Variants in TSPAN9 observed in about 807,000 individuals in gnomAD.
TSPAN9 encodes tetraspanin 9.
In TSPAN9, 16 loss-of-function variants were observed where a neutral mutation model predicts 31.0. That is an observed-to-expected ratio of 0.52 (90% CI 0.35 to 0.78). The LOEUF (loss-of-function observed/expected upper bound fraction) is 0.78, where lower values mean the gene tolerates loss of function less well. TSPAN9 is among the 30% of genes least tolerant of loss of function. The pLI, the probability that TSPAN9 is intolerant of heterozygous loss-of-function variation, is 0.01. For synonymous variants in TSPAN9, 145 were observed against 121.6 expected, an observed-to-expected ratio of 1.19 and a Z score of -1.27; for missense variants, 272 against 312.5, an observed-to-expected ratio of 0.87 and a Z score of 0.98.
chr12:3,244,489 G>A (rs1393896466), intron 3 of TSPAN9, among the ~76,000 whole-genome samples: 1 of 152,234 alleles, frequency 6.6e-6, no homozygotes, highest in African/African-American at 2.4e-5. Context: ...GGCGTGAGGT[G>A]CGCAGATGGG....
chr12:3,167,259 A>T (rs1219166939), intron 2 of TSPAN9, among the ~76,000 whole-genome samples: 2 of 152,150 alleles, frequency 1.3e-5, no homozygotes, highest in African/African-American at 4.8e-5. Context: ...GTGACTGTTG[A>T]TTTCACTGAT....
At chr12:3,237,281 CTGGGCTTGCCTCCTGA>C (rs146676815) in intron 3 of TSPAN9, among the ~76,000 whole-genome samples, 5 of 151,776 alleles carry the variant, frequency 3.3e-5, no homozygotes, top group South Asian at 2.1e-4. Context: ...ACAGATATTC[CTGGGCTTGCCTCCTGA>C]TGGGCTTGCC....
chr12:3,254,815 C>T (rs749731659), intron 3 of TSPAN9, among the ~76,000 whole-genome samples: 2 of 152,180 alleles, frequency 1.3e-5, no homozygotes, highest in Non-Finnish European at 2.9e-5. Context: ...AAGTCAGTTT[C>T]CATTAATGAT....
chr12:3,265,035 G>A (rs1862515711), intron 3 of TSPAN9, among the ~76,000 whole-genome samples: 1 of 152,152 alleles, frequency 6.6e-6, no homozygotes, highest in Admixed American at 6.5e-5. Context: ...GGTCCAGCTG[G>A]CCCGGCTATT....
At chr12:3,096,995 G>A (rs1409903843) in intron 2 of TSPAN9, among the ~76,000 whole-genome samples, 1 of 152,176 alleles carries the variant, frequency 6.6e-6, no homozygotes, top group African/African-American at 2.4e-5. Context: ...CTTAAGTCAG[G>A]AGCTCCTTGT....
At chr12:3,163,760 G>GTA (rs1309600251) in intron 2 of TSPAN9, among the ~76,000 whole-genome samples, 5 of 152,154 alleles carry the variant, frequency 3.3e-5, no homozygotes, top group Non-Finnish European at 7.3e-5. Context: ...CACTACTAAG[G>GTA]TATTATGCTT....
At chr12:3,207,493 C>T (rs1031132625) in intron 3 of TSPAN9, among the ~76,000 whole-genome samples, 3 of 152,016 alleles carry the variant, frequency 2.0e-5, no homozygotes, top group Admixed American at 6.6e-5. Context: ...AAATGGCACA[C>T]GGTCAGGCGG....
chr12:3,201,286 C>T (rs377399678), intron 3 of TSPAN9, 30 bp downstream of exon 3: 451 of 1,599,780 alleles, frequency 2.8e-4, no homozygotes, highest in Non-Finnish European at 3.8e-4. Flanking sequence ...TCTCCCTTCG[C>T]CCTCTTCTCC....
intron 2 of TSPAN9, among the ~76,000 whole-genome samples, chr12:3,197,475 A>T (rs898641902): frequency 1.3e-5 from 2 of 152,146 alleles, no homozygotes; most frequent in Non-Finnish European, 2.9e-5. Context: ...AATACACACT[A>T]GGTTTTATTC....
chr12:3,101,222 G>A (rs1239016620), intron 2 of TSPAN9, among the ~76,000 whole-genome samples: 1 of 152,124 alleles, frequency 6.6e-6, no homozygotes, highest in Non-Finnish European at 1.5e-5. Flanking sequence ...GTGTAGGATT[G>A]AGGACTGAAC....
rs191246592 is a variant in TSPAN9, at chr12:3,144,705, G to C, written c.-17-56472G>C. On this transcript the variant is annotated intron_variant, in intron 2 of 8. Coordinates refer to ENST00000011898, the MANE Select transcript of TSPAN9 (RefSeq NM_006675.5). ...GGTTTCTAGTGGGGGTTGCAGGTGC[G>C]GGCAGCTTCTGTCAGGCTCCTGCCT... Among the ~76,000 whole-genome samples, 31 of 152,310 alleles carry C rather than the reference G, an allele frequency of 2.0e-4. 1 individual carries two copies. The South Asian group carries it at 6.0e-3, about 29-fold the overall frequency.
chr12:3,280,647 A>G lies in TSPAN9; in HGVS notation c.432+164A>G, dbSNP rs1862876972. Among the ~76,000 whole-genome samples, 1 of 152,202 alleles carries G rather than the reference A, an allele frequency of 6.6e-6. No individual in the cohort carries two copies. Among genetic ancestry groups the G allele is most frequent in the Non-Finnish European group, 1.5e-5 (1 of 68,040 alleles). The stretch of plus-strand genomic sequence containing the variant: ...GCATTTGCCTGAACTGCTGAGTCAG[A>G]TGTGATACAGCAAGGTACAGCCAGG... On this transcript the variant is annotated intron_variant, in intron 6 of 8. Coordinates refer to ENST00000011898, the MANE Select transcript of TSPAN9 (RefSeq NM_006675.5). The surrounding 1 kb of genome is among the most constrained non-coding windows in gnomAD (Gnocchi z 4.5).
Position 3,089,547 on chromosome 12 carries a change from G to A in TSPAN9, c.-18+5828G>A, listed in dbSNP as rs750401419. Among the ~76,000 whole-genome samples the A allele has an allele frequency of 1.5e-3, 235 of 151,898 alleles. 1 individual carries two copies. Among genetic ancestry groups the A allele is most frequent in the Non-Finnish European group, 2.9e-3 (195 of 67,948 alleles). ...CCTGACCTCGTGATCCGCCCTCCTT[G>A]GCCTCCCAAAGTGCTGGGATTACAG... On this transcript the variant is annotated intron_variant, in intron 2 of 8. Transcript: ENST00000011898.
intron 2 of TSPAN9, among the ~76,000 whole-genome samples, chr12:3,095,693 A>C (rs1239773436): frequency 6.7e-6 from 1 of 150,242 alleles, no homozygotes; most frequent in Non-Finnish European, 1.5e-5. Context: ...CTCACTTCCC[A>C]GATGGGGCGG....
chr12:3,260,464 G>T (rs905830933), intron 3 of TSPAN9, among the ~76,000 whole-genome samples: 4 of 152,186 alleles, frequency 2.6e-5, no homozygotes, highest in Admixed American at 2.0e-4. Flanking sequence ...TTTCCCCAGG[G>T]AACCAGCTGG....
At chr12:3,141,630 T>C (rs2098334894) in intron 2 of TSPAN9, among the ~76,000 whole-genome samples, 2 of 152,084 alleles carry the variant, frequency 1.3e-5, no homozygotes, top group Non-Finnish European at 2.9e-5. Context: ...TTGCCCTGAC[T>C]CCTCGGTGTG....
At chr12:3,148,823 C>A (rs893281619) in intron 2 of TSPAN9, among the ~76,000 whole-genome samples, 1 of 152,228 alleles carries the variant, frequency 6.6e-6, no homozygotes, top group Non-Finnish European at 1.5e-5. Context: ...CACCTCCCAG[C>A]CTCCCCACGG....
chr12:3,274,259 C>G (rs1591719717), intron 3 of TSPAN9, among the ~76,000 whole-genome samples: 3 of 152,302 alleles, frequency 2.0e-5, no homozygotes. Flanking sequence ...AACCACTGGG[C>G]TGAGGGCTGA....
chr12:3,224,300 A>G (rs1315648078), intron 3 of TSPAN9, among the ~76,000 whole-genome samples: 2 of 152,186 alleles, frequency 1.3e-5, no homozygotes. Context: ...TGGATGACCG[A>G]GGGTGGTGCT....
Sources: gnomAD v4.1 joint callset for allele counts (sites outside exome capture counted in the v4.1 genomes callset) on GRCh38, gnomAD v4.1.1 for gene constraint, Gnocchi (gnomAD v3.1) non-coding constraint, MANE v1.5 for transcripts, NCBI Gene and HGNC (gene_info 2026-07-23, HGNC 2026-07-21) for gene names.